The following STX2 variants were observed in gnomAD, a reference collection of about 807,000 sequenced individuals.
The protein encoded by STX2 is syntaxin-2.
Under a neutral mutation model 40.6 loss-of-function variants are expected in STX2, and 27 were observed. The observed-to-expected ratio is 0.66, with a 90% CI of 0.49 to 0.92. The LOEUF is 0.92. STX2 is among the 40% of genes least tolerant of loss of function. The pLI, the probability that STX2 is intolerant of heterozygous loss-of-function variation, is 0.00. For synonymous variants in STX2, 123 were observed against 119.1 expected (o/e 1.03, Z -0.22); for missense variants, 328 against 366.1 (o/e 0.90, Z 0.85).
chr12:130,832,334 C>T (rs1164905634), intron 1 of STX2, among the ~76,000 whole-genome samples: 3 of 152,090 alleles, frequency 2.0e-5, no homozygotes, highest in African/African-American at 7.2e-5. Flanking sequence ...TCCTATTGTG[C>T]CTAATATTTT....
At chr12:130,801,682 C>A (rs928786049) in intron 6 of STX2, among the ~76,000 whole-genome samples, 194 bp from the exon 7 acceptor site, 1 of 152,002 alleles carries the variant, frequency 6.6e-6, no homozygotes, top group African/African-American at 2.4e-5. Context: ...AAAAATACTC[C>A]GAGAAACTTT....
At chr12:130,837,074 T>C (rs967376820) in intron 1 of STX2, among the ~76,000 whole-genome samples, 3 of 151,600 alleles carry the variant, frequency 2.0e-5, no homozygotes, top group African/African-American at 7.3e-5. Context: ...TTTGCCAAAA[T>C]AGTCACAGCT....
At chr12:130,819,631 CA>C (rs201888431) in intron 3 of STX2, among the ~76,000 whole-genome samples, 2,612 of 150,892 alleles carry the variant, frequency 0.017, 62 homozygotes, top group African/African-American at 0.046. Context: ...GTAAATTATT[CA>C]AAAAAAAATG....
In STX2 at chr12:130,818,205, T is replaced by A. The variant is rs1242984893; in HGVS notation, c.205+3484A>T. 3.0e-3 allele frequency among the ~76,000 whole-genome samples: 358 copies of A among 117,818 alleles called. 17 individuals carry two copies. The highest frequency in any genetic ancestry group is 0.014 in the African/African-American group (350 of 25,422). The allele number at this position is 117,818 out of a possible 152,430, so 77.3% of individuals were successfully genotyped here. ...AAAAAAATATATATATATATATATATATATATATATATAAAATTATCTGGG... is the reference window on the plus strand; with the variant it reads ...AAAAAAATATATATATATATATATAAATATATATATATAAAATTATCTGGG... On this transcript the variant is annotated intron_variant, in intron 3 of 10. Transcript: ENST00000392373.
At chr12:130,815,835 T>G (rs1317910572) in intron 3 of STX2, among the ~76,000 whole-genome samples, 1 of 152,248 alleles carries the variant, frequency 6.6e-6, no homozygotes, top group Non-Finnish European at 1.5e-5. Context: ...ATATGTAAGT[T>G]ACTTCCATTT....
At chr12:130,812,887 C>A in intron 4 of STX2, 70 bp downstream of exon 4, 5 of 1,117,598 alleles carry the variant, frequency 4.5e-6, no homozygotes, top group African/African-American at 1.6e-5. Context: ...GAACAAAAAC[C>A]AATAAAGAAA....
chr12:130,812,377 T>C (rs1951693499), intron 4 of STX2: 1 of 454,550 alleles, frequency 2.2e-6, no homozygotes, highest in Non-Finnish European at 4.4e-6. Flanking sequence ...TGGGAGCTCA[T>C]GGAGAACTGT....
At chr12:130,825,049 T>C (rs1335966128) in intron 2 of STX2, among the ~76,000 whole-genome samples, 1 of 151,460 alleles carries the variant, frequency 6.6e-6, no homozygotes, top group Non-Finnish European at 1.5e-5. Context: ...TTCTTTTTTT[T>C]TTTTTTTTTT....
At chr12:130,829,203 G>A (rs982383233) in intron 1 of STX2, among the ~76,000 whole-genome samples, 1 of 152,184 alleles carries the variant, frequency 6.6e-6, no homozygotes, top group African/African-American at 2.4e-5. Flanking sequence ...CTGACGCCAG[G>A]TCTGACTTTA....
intron 2 of STX2, among the ~76,000 whole-genome samples, chr12:130,826,251 A>C (rs1296583271): frequency 1.3e-5 from 2 of 151,986 alleles, no homozygotes; most frequent in East Asian, 1.9e-4. Flanking sequence ...CGCACACCTG[A>C]CCCCTGCCCC....
intron 1 of STX2, among the ~76,000 whole-genome samples, chr12:130,830,103 C>G (rs1179045240): frequency 6.6e-6 from 1 of 152,218 alleles, no homozygotes; most frequent in African/African-American, 2.4e-5. Flanking sequence ...CAACAATGGT[C>G]AAGCCACAGC....
intron 3 of STX2, among the ~76,000 whole-genome samples, chr12:130,818,184 AAATATAT>A (rs1179735796): frequency 1.1e-3 from 42 of 37,252 alleles, no homozygotes; most frequent in East Asian, 6.5e-3. Context: ...AAAAAAAAAA[AAATATAT>A]ATATATATAT....
At chr12:130,820,556 C>T (rs1195230269) in intron 3 of STX2, among the ~76,000 whole-genome samples, 1 of 152,064 alleles carries the variant, frequency 6.6e-6, no homozygotes, top group South Asian at 2.1e-4. Context: ...GTCTCAGCTA[C>T]TCAGGAGGCC....
chr12:130,827,555 A>G (rs987035989), intron 1 of STX2, among the ~76,000 whole-genome samples: 4 of 152,242 alleles, frequency 2.6e-5, no homozygotes, highest in African/African-American at 9.6e-5. Flanking sequence ...ATGTAAGTCA[A>G]TATAACACAG....
chr12:130,807,175 C>G lies in STX2; in HGVS notation c.355-85G>C, dbSNP rs889557481. On this transcript the variant is annotated intron_variant, in intron 5 of 10. Transcript: ENST00000392373. ...ATGCAAGACATGCATTTTGGAAACT[C>G]AAACTACATGTTATTCTGCTCCTGC... 13 of 1,288,114 alleles carry G rather than the reference C, an allele frequency of 1.0e-5. No homozygotes were observed. The African/African-American group carries it at 1.8e-4, about 17-fold the overall frequency. 79.8% of individuals were successfully genotyped at this position (1,288,114 alleles called of 1,614,324 possible).
rs1952204752 is a variant in STX2, at chr12:130,823,882, A to C, written c.106-2094T>G. ...GTAAATCTAATGTCCAGCTTAATAG[A>C]CAGCACCCTGATCATCACAGATATT... On this transcript the variant is annotated intron_variant, in intron 2 of 10. Transcript: ENST00000392373. Among the ~76,000 whole-genome samples the C allele has an allele frequency of 2.0e-5, 3 of 152,212 alleles. No individual in the cohort carries two copies. The South Asian group carries it at 6.2e-4, about 32-fold the overall frequency.
rs1007891825 is a variant in STX2 at position 130,795,757 on chromosome 12, C to T, written c.*45+238G>A. Among the ~76,000 whole-genome samples the T allele has an allele frequency of 5.9e-5, 9 of 151,994 alleles. No individual in the cohort carries two copies. In the East Asian group the frequency reaches 1.4e-3, roughly 23 times the overall value. On this transcript the variant is annotated intron_variant, in intron 10 of 10. Transcript: ENST00000392373. Reference sequence around the variant, plus strand: ...CCTGTCTCAAAAACACTTTTAAAAACGGGATAAGAAGGTGACCTTGGTTTA... The same window carrying T: ...CCTGTCTCAAAAACACTTTTAAAAATGGGATAAGAAGGTGACCTTGGTTTA...
intron 1 of STX2, among the ~76,000 whole-genome samples, chr12:130,838,505 C>T (rs1050795113): frequency 6.6e-6 from 1 of 152,072 alleles, no homozygotes; most frequent in Non-Finnish European, 1.5e-5. Context: ...CGCGCTCGCC[C>T]CACCCCAAGC....
At chr12:130,812,265 T>C (rs1951687883) in intron 4 of STX2, 7 of 424,830 alleles carry the variant, frequency 1.6e-5, no homozygotes, top group Non-Finnish European at 2.3e-5. Context: ...TTAGATATAA[T>C]TGTGGTTGTG....
Sources: allele counts gnomAD v4.1 joint callset (sites outside exome capture counted in the v4.1 genomes callset), GRCh38; gene constraint gnomAD v4.1.1; transcripts MANE v1.5; gene names NCBI Gene and HGNC (gene_info 2026-07-23, HGNC 2026-07-21).